DYM: variants seen among roughly 807,000 people sequenced by gnomAD.
DYM encodes dymeclin, also known as dyggve-Melchior-Clausen syndrome protein.
Under a neutral mutation model 93.1 loss-of-function variants are expected in DYM, and 78 were observed. The ratio of observed to expected loss-of-function variants is 0.84; its 90% CI spans 0.70 to 1.01. DYM has a LOEUF of 1.01. DYM is among the 50% of genes least tolerant of loss of function. The pLI, the probability that DYM is intolerant of heterozygous loss-of-function variation, is 0.00. For synonymous variants in DYM, 321 were observed against 319.7 expected (o/e 1.00, Z -0.04); for missense variants, 789 against 845.0 (o/e 0.93, Z 0.82).
chr18:49,162,867 T>G (rs2087339808), intron 15 of DYM, among the ~76,000 whole-genome samples: 1 of 152,132 alleles, frequency 6.6e-6, no homozygotes, highest in Admixed American at 6.6e-5. Context: ...GGTTGCTATT[T>G]TAGGTCCAAG....
intron 8 of DYM, among the ~76,000 whole-genome samples, chr18:49,312,989 G>A (rs955928184): frequency 6.6e-6 from 1 of 152,200 alleles, no homozygotes; most frequent in Non-Finnish European, 1.5e-5. Context: ...ACATGCACTT[G>A]TAATTAATCC....
chr18:49,328,293 AG>A (rs1231343771), intron 8 of DYM, among the ~76,000 whole-genome samples: 1 of 152,200 alleles, frequency 6.6e-6, no homozygotes, highest in Non-Finnish European at 1.5e-5. Context: ...TTAGAGGAAA[AG>A]ATCGCATCTA....
chr18:49,070,883 T>C (rs944544142), intron 17 of DYM, among the ~76,000 whole-genome samples: 1 of 152,218 alleles, frequency 6.6e-6, no homozygotes, highest in Non-Finnish European at 1.5e-5. Flanking sequence ...TAAATAAATA[T>C]AATGATCAAG....
At chr18:49,427,727 T>G (rs73445777) in intron 2 of DYM, among the ~76,000 whole-genome samples, 12,361 of 152,256 alleles carry the variant, frequency 0.081, 701 homozygotes, top group African/African-American at 0.15. Context: ...AAATGTCTAT[T>G]AATTTCTGAA....
At chr18:49,128,339 T>C (rs1405588138) in intron 15 of DYM, among the ~76,000 whole-genome samples, 1 of 152,248 alleles carries the variant, frequency 6.6e-6, no homozygotes, top group Non-Finnish European at 1.5e-5. Flanking sequence ...TTCAATGTTT[T>C]ACCTTAAGTA....
At chr18:49,350,962 A>G (rs2065067961) in intron 6 of DYM, among the ~76,000 whole-genome samples, 1 of 152,152 alleles carries the variant, frequency 6.6e-6, no homozygotes, top group African/African-American at 2.4e-5. Context: ...ACAAGTTAGA[A>G]TTTTTTTAAA....
In DYM at chr18:49,355,501, C is replaced by T. The variant is rs545049537; in HGVS notation, c.494+7660G>A. Among the ~76,000 whole-genome samples the T allele has an allele frequency of 9.0e-4, 137 of 152,152 alleles. 1 individual carries two copies. The highest frequency in any genetic ancestry group is 3.1e-3 in the African/African-American group (128 of 41,536). On this transcript the variant is annotated intron_variant, in intron 6 of 17. Coordinates refer to ENST00000675505, the MANE Select transcript of DYM (RefSeq NM_001353214.3). Reference sequence around the variant, plus strand: ...GATCAATATGATACACTGATAGATACATTTCATCATGCATTTGTCTAATCC... The same window carrying T: ...GATCAATATGATACACTGATAGATATATTTCATCATGCATTTGTCTAATCC...
chr18:49,267,326 T>A (rs970519433), intron 11 of DYM, among the ~76,000 whole-genome samples: 5 of 152,144 alleles, frequency 3.3e-5, no homozygotes, highest in Admixed American at 2.6e-4. Flanking sequence ...CCATACTGTA[T>A]ATGAAAATAC....
chr18:49,138,665 AT>A (rs1439101082), intron 15 of DYM, among the ~76,000 whole-genome samples: 1 of 151,926 alleles, frequency 6.6e-6, no homozygotes, highest in African/African-American at 2.4e-5. Flanking sequence ...TGTGTCATTT[AT>A]TTAACAAATA....
intron 17 of DYM, among the ~76,000 whole-genome samples, chr18:49,096,332 AT>A (rs754549417): frequency 1.8e-4 from 27 of 152,298 alleles, no homozygotes; most frequent in Non-Finnish European, 3.4e-4. Flanking sequence ...ATGTGCTGTT[AT>A]TTTACAAACT....
chr18:49,106,236 C>T (rs888171346), intron 16 of DYM, among the ~76,000 whole-genome samples: 3 of 151,868 alleles, frequency 2.0e-5, no homozygotes, highest in Non-Finnish European at 4.4e-5. Flanking sequence ...GCAACCCCTG[C>T]CTTTTGTTTT....
At chr18:49,387,259 T>C (rs1050883773) in intron 3 of DYM, among the ~76,000 whole-genome samples, 7 of 151,510 alleles carry the variant, frequency 4.6e-5, no homozygotes, top group African/African-American at 1.7e-4. Context: ...TCTGTTATAG[T>C]GATCTCTAAT....
At chr18:49,204,849 C>G (rs561248432) in intron 14 of DYM, among the ~76,000 whole-genome samples, 1 of 152,318 alleles carries the variant, frequency 6.6e-6, no homozygotes, top group South Asian at 2.1e-4. Flanking sequence ...AGTTTGAGAG[C>G]TGATTTCAAT....
chr18:49,186,662 T>C (rs1269011870), intron 14 of DYM, among the ~76,000 whole-genome samples: 1 of 152,192 alleles, frequency 6.6e-6, no homozygotes, highest in African/African-American at 2.4e-5. Context: ...TTTTTTATTA[T>C]TTTTACACTA....
At chr18:49,249,855 G>A (rs1472220261) in intron 13 of DYM, among the ~76,000 whole-genome samples, 1 of 152,166 alleles carries the variant, frequency 6.6e-6, no homozygotes, top group Non-Finnish European at 1.5e-5. Flanking sequence ...ATGGATTTGA[G>A]AATTTTAAAG....
chr18:49,322,724 CTTTA>C (rs960835157), intron 8 of DYM, among the ~76,000 whole-genome samples: 1 of 151,842 alleles, frequency 6.6e-6, no homozygotes, highest in Non-Finnish European at 1.5e-5. Context: ...ATCATAAGGC[CTTTA>C]TTTTTCAGTA....
intron 15 of DYM, among the ~76,000 whole-genome samples, chr18:49,146,358 G>C (rs1018708738): frequency 6.6e-6 from 1 of 152,214 alleles, no homozygotes; most frequent in African/African-American, 2.4e-5. Context: ...AATTAGGCAG[G>C]AGAAGGAAAT....
In DYM at chr18:49,097,453, G is replaced by A. The variant is rs757405720; in HGVS notation, c.1974C>T (p.Val658=). Residue 658 remains valine (V), a synonymous_variant, in exon 17 of 18, where the codon GTC becomes GTT. Transcript: ENST00000675505. The stretch of plus-strand genomic sequence containing the variant: ...CGACGCCTTGCTTAATGATTTCCAG[G>A]ACCCGTTCCACTGACAGCTCAGCTC... ...QAGAELSVER[V]LEIIKQGVVA... 1 of 1,614,052 alleles carries A rather than the reference G, an allele frequency of 6.2e-7. No individual in the cohort carries two copies. The highest frequency in any genetic ancestry group is 8.5e-7 in the Non-Finnish European group (1 of 1,179,948).
At chr18:49,293,042 G>A (rs1358610171) in intron 8 of DYM, among the ~76,000 whole-genome samples, 2 of 151,950 alleles carry the variant, frequency 1.3e-5, no homozygotes, top group Non-Finnish European at 2.9e-5. Flanking sequence ...TGTTCTCATT[G>A]CTCAGCTCCC....
Sources: gnomAD v4.1 joint callset for allele counts (sites outside exome capture counted in the v4.1 genomes callset) on GRCh38, gnomAD v4.1.1 for gene constraint, MANE v1.5 for transcripts, NCBI Gene and HGNC (gene_info 2026-07-23, HGNC 2026-07-21) for gene names.